MLEC: variants seen among roughly 807,000 people sequenced by gnomAD.
The protein encoded by MLEC is oligosaccharyltransferase complex subunit (non-catalytic).
A neutral mutation model predicts 28.7 loss-of-function variants in MLEC; 7 were observed. The ratio of observed to expected loss-of-function variants is 0.24; its 90% CI spans 0.14 to 0.46. MLEC has a LOEUF of 0.46. Among genes scored for constraint, MLEC ranks in the 20% least tolerant of loss-of-function variants. The pLI, the probability that MLEC is intolerant of heterozygous loss-of-function variation, is 0.99. For synonymous variants in MLEC, 142 were observed against 164.4 expected, an observed-to-expected ratio of 0.86 and a Z score of 1.04; for missense variants, 237 against 391.1, an observed-to-expected ratio of 0.61 and a Z score of 3.32.
At chr12:120,688,294 C>T (rs1456009271) in intron 1 of MLEC, among the ~76,000 whole-genome samples, 2 of 152,216 alleles carry the variant, frequency 1.3e-5, no homozygotes, top group African/African-American at 4.8e-5. Flanking sequence ...AACGGAGCTG[C>T]TCCCTTCCCA....
At position 120,687,575 on chromosome 12, in the gene MLEC, G is replaced by T; in HGVS notation, c.235+44G>T. On this transcript the variant is annotated intron_variant, in intron 1 of 4. Transcript: ENST00000228506. This position sits in a 1 kb window ranked among gnomAD's most constrained non-coding sequence, Gnocchi z 8.1. ...AGCCGCGGGATCCAGGGCCTGCTGT[G>T]CTGGGCGCAGCCGGCCGGGGGCTGC... is the stretch of plus-strand genomic sequence containing the variant. 1 of 1,412,622 alleles carries T rather than the reference G, an allele frequency of 7.1e-7. No individual in the cohort carries two copies. The highest frequency in any genetic ancestry group is 9.3e-7 in the Non-Finnish European group (1 of 1,070,554). The allele number at this position is 1,412,622 out of a possible 1,614,324, so 87.5% of individuals were successfully genotyped here. A position where few individuals can be genotyped will look rare whatever the true frequency, so the allele number is the denominator to read the frequency against.
At position 120,696,359 on chromosome 12, in the gene MLEC, A is replaced by G. The variant is rs1485198196; in HGVS notation, c.693A>G (p.Glu231=). 1.2e-6 allele frequency: 2 copies of G among 1,614,110 alleles called. No individual in the cohort carries two copies. Among genetic ancestry groups the G allele is most frequent in the African/African-American group, 1.3e-5 (1 of 74,928 alleles). ...LQPHPGLEKK[E]EEEEEEEYDE... ...CTCATCCGGGATTGGAGAAGAAAGA[A>G]GAGGAAGAAGAAGAAGAAGAATATG... Residue 231 remains glutamate (E), a synonymous_variant, in exon 5 of 5, where the codon GAA becomes GAG. Transcript: ENST00000228506. This position sits in a 1 kb window ranked among gnomAD's most constrained non-coding sequence, Gnocchi z 5.4.
chr12:120,694,247 A>G lies in MLEC; in HGVS notation c.392A>G (p.Tyr131Cys). 6.2e-7 allele frequency: 1 copy of G among 1,614,036 alleles called. No homozygotes were observed. Among genetic ancestry groups the G allele is most frequent in the Non-Finnish European group, 8.5e-7 (1 of 1,180,014 alleles). Residue 131 changes from tyrosine to cysteine, a missense_variant, in exon 2 of 5, where the codon TAC (tyrosine) becomes TGC (cysteine). Tyr to Cys is a radical substitution (Grantham distance 194). Coordinates refer to ENST00000228506, the MANE Select transcript of MLEC (RefSeq NM_014730.4). This position sits in a 1 kb window ranked among gnomAD's most constrained non-coding sequence, Gnocchi z 4.5. ...YVLVLKFAEV[Y>C]FAQSQQKVFD... ...CTGGTCTTGAAATTTGCAGAGGTCT[A>G]CTTTGCACAGTCCCAGCAAAAGGTG...
In MLEC at chr12:120,696,761, T is replaced by C; in HGVS notation, c.*216T>C. ...TGCTTCAGTCCTCGTCCTCTCTTTG[T>C]GGCTGGCTCCCAGCCTTCTCTTTCC... On this transcript the variant is annotated 3_prime_UTR_variant, in exon 5 of 5. Transcript: ENST00000228506. This position sits in a 1 kb window ranked among gnomAD's most constrained non-coding sequence, Gnocchi z 5.4. 1.6e-6 allele frequency: 1 copy of C among 642,130 alleles called. No individual in the cohort carries two copies. The highest frequency in any genetic ancestry group is 2.6e-6 in the Non-Finnish European group (1 of 383,914). 39.8% of individuals were successfully genotyped at this position (642,130 alleles called of 1,614,324 possible). A position where few individuals can be genotyped will look rare whatever the true frequency, so the allele number is the denominator to read the frequency against.
At chr12:120,693,978 T>C in intron 1 of MLEC, 113 bp from the exon 2 acceptor site, 1 of 994,646 alleles carries the variant, frequency 1.0e-6, no homozygotes, top group Non-Finnish European at 1.4e-6. Flanking sequence ...GTGGCCCCTT[T>C]TATGGAGAGG....
At chr12:120,695,550 T>C (rs1350494428) in intron 4 of MLEC, among the ~76,000 whole-genome samples, 1 of 152,262 alleles carries the variant, frequency 6.6e-6, no homozygotes, top group Non-Finnish European at 1.5e-5. Context: ...AGGCTTTTGG[T>C]ATGCTCTGAA....
At chr12:120,689,582 C>G (rs1414582467) in intron 1 of MLEC, among the ~76,000 whole-genome samples, 1 of 152,168 alleles carries the variant, frequency 6.6e-6, no homozygotes, top group Non-Finnish European at 1.5e-5. Context: ...GGCTTTAGGT[C>G]GGGCTGAGAT....
At chr12:120,692,049 A>G (rs1882056997) in intron 1 of MLEC, among the ~76,000 whole-genome samples, 1 of 152,168 alleles carries the variant, frequency 6.6e-6, no homozygotes, top group Non-Finnish European at 1.5e-5. Context: ...AATCCCAGCT[A>G]CTTGGGAGGC....
Position 120,697,853 on chromosome 12 carries a change from T to C in MLEC, c.*1308T>C. ...TTGATCTTAATAGTATGCCCCTCCT[T>C]CCCCTGTCCTTTCATTTCTCTATCC... On this transcript the variant is annotated 3_prime_UTR_variant, in exon 5 of 5. Coordinates refer to ENST00000228506, the MANE Select transcript of MLEC (RefSeq NM_014730.4). The surrounding 1 kb of genome is among the most constrained non-coding windows in gnomAD (Gnocchi z 4.8). The C allele has an allele frequency of 6.6e-6, 1 of 152,354 alleles. No individual in the cohort carries two copies. Among genetic ancestry groups the C allele is most frequent in the Non-Finnish European group, 1.5e-5 (1 of 68,058 alleles). The allele number at this position is 152,354 out of a possible 1,614,324, so 9.4% of individuals were successfully genotyped here.
intron 1 of MLEC, among the ~76,000 whole-genome samples, chr12:120,692,692 G>A (rs1047378566): frequency 6.7e-6 from 1 of 149,778 alleles, no homozygotes; most frequent in African/African-American, 2.5e-5. Flanking sequence ...TTCTCCCAAA[G>A]GATCTAGTTG....
At chr12:120,689,889 T>G (rs1439958833) in intron 1 of MLEC, among the ~76,000 whole-genome samples, 4 of 152,236 alleles carry the variant, frequency 2.6e-5, no homozygotes, top group African/African-American at 9.6e-5. Context: ...TTTGGCCTTC[T>G]TTTGAACTTG....
chr12:120,687,448 C>A lies in MLEC; in HGVS notation c.152C>A (p.Ala51Glu). Residue 51 changes from alanine (A) to glutamate (E), a missense_variant, in exon 1 of 5, where the codon GCG becomes GAG. Ala to Glu is a moderately radical substitution (Grantham distance 107). Coordinates refer to ENST00000228506, the MANE Select transcript of MLEC (RefSeq NM_014730.4). The surrounding 1 kb of genome is among the most constrained non-coding windows in gnomAD (Gnocchi z 8.1). ...GGGCTGCCCGAGAGCGTCATTTGGG[C>A]GGTCAACGCGGGTGGAGAGGCGCAT... ...GAGLPESVIW[A>E]VNAGGEAHVD... 1 of 1,408,888 alleles carries A rather than the reference C, an allele frequency of 7.1e-7. No homozygotes were observed. Among genetic ancestry groups the A allele is most frequent in the Non-Finnish European group, 9.3e-7 (1 of 1,079,146 alleles). The allele number at this position is 1,408,888 out of a possible 1,614,324, so 87.3% of individuals were successfully genotyped here. A position where few individuals can be genotyped will look rare whatever the true frequency, so the allele number is the denominator to read the frequency against.
rs575926919 is a variant in MLEC, at chr12:120,697,949, A to C, written c.*1404A>C. On this transcript the variant is annotated 3_prime_UTR_variant, in exon 5 of 5. Transcript: ENST00000228506. This position sits in a 1 kb window ranked among gnomAD's most constrained non-coding sequence, Gnocchi z 4.8. ...GTCAGCCAGAGCCTTGGCAGCTCTG[A>C]AGCTAACCTTAGCATCTAAGTGTCG... 3 of 152,296 alleles carry C rather than the reference A, an allele frequency of 2.0e-5. No individual in the cohort carries two copies. The highest frequency in any genetic ancestry group is 3.9e-4 in the East Asian group (2 of 5,190). 9.4% of individuals were successfully genotyped at this position (152,296 alleles called of 1,614,324 possible).
chr12:120,696,709 C>G lies in MLEC; in HGVS notation c.*164C>G. On this transcript the variant is annotated 3_prime_UTR_variant, in exon 5 of 5. Transcript: ENST00000228506. The surrounding 1 kb of genome is among the most constrained non-coding windows in gnomAD (Gnocchi z 5.4). Reference sequence around the variant, plus strand: ...AAGAGGCAGAGCGAGTAGAGAGCAGCCCTCATTCACCACCTGGTCCCAGAC... The same window carrying G: ...AAGAGGCAGAGCGAGTAGAGAGCAGGCCTCATTCACCACCTGGTCCCAGAC... 1 of 981,366 alleles carries G rather than the reference C, an allele frequency of 1.0e-6. No homozygotes were observed. The highest frequency in any genetic ancestry group is 1.5e-6 in the Non-Finnish European group (1 of 680,514). The allele number at this position is 981,366 out of a possible 1,614,324, so 60.8% of individuals were successfully genotyped here. A position where few individuals can be genotyped will look rare whatever the true frequency, so the allele number is the denominator to read the frequency against.
Position 120,687,555 on chromosome 12 carries a change from C to G in MLEC, c.235+24C>G. 6.7e-7 allele frequency: 1 copy of G among 1,485,954 alleles called. No homozygotes were observed. Among genetic ancestry groups the G allele is most frequent in the Non-Finnish European group, 9.0e-7 (1 of 1,116,040 alleles). The allele number at this position is 1,485,954 out of a possible 1,614,324, so 92.0% of individuals were successfully genotyped here. ...AGGTGAGAGTCCCCCTGCCGAGCCG[C>G]GGGATCCAGGGCCTGCTGTGCTGGG... On this transcript the variant is annotated intron_variant, in intron 1 of 4. Coordinates refer to ENST00000228506, the MANE Select transcript of MLEC (RefSeq NM_014730.4). This position sits in a 1 kb window ranked among gnomAD's most constrained non-coding sequence, Gnocchi z 8.1.
intron 1 of MLEC, 127 bp from the exon 2 acceptor site, chr12:120,693,964 G>C: frequency 2.6e-6 from 2 of 758,420 alleles, no homozygotes. Flanking sequence ...CAGGTGCAGA[G>C]TGGGTGGCCC....
In MLEC at chr12:120,700,536, T is replaced by G. The variant is rs551060495; in HGVS notation, c.*3991T>G. The G allele has an allele frequency of 6.6e-6, 1 of 151,980 alleles. No homozygotes were observed. The highest frequency in any genetic ancestry group is 2.4e-5 in the African/African-American group (1 of 41,420). 9.4% of individuals were successfully genotyped at this position (151,980 alleles called of 1,614,324 possible). A position where few individuals can be genotyped will look rare whatever the true frequency, so the allele number is the denominator to read the frequency against. On this transcript the variant is annotated 3_prime_UTR_variant, in exon 5 of 5. Transcript: ENST00000228506. This position sits in a 1 kb window ranked among gnomAD's most constrained non-coding sequence, Gnocchi z 4.0. The stretch of plus-strand genomic sequence containing the variant: ...AAGGAGAGACTGAGGCAAGGCAAAG[T>G]GATAGTACACGGAAGCAGAACCGGA...
chr12:120,690,627 A>G (rs1182486006), intron 1 of MLEC, among the ~76,000 whole-genome samples: 1 of 152,184 alleles, frequency 6.6e-6, no homozygotes, highest in Non-Finnish European at 1.5e-5. Flanking sequence ...AATTAAAAAT[A>G]GGGCAGAACA....
In MLEC at chr12:120,696,735, G is replaced by A. The variant is rs944798238; in HGVS notation, c.*190G>A. The A allele has an allele frequency of 1.6e-5, 12 of 768,688 alleles. No homozygotes were observed. The highest frequency in any genetic ancestry group is 2.0e-5 in the Non-Finnish European group (10 of 492,144). The allele number at this position is 768,688 out of a possible 1,614,324, so 47.6% of individuals were successfully genotyped here. On this transcript the variant is annotated 3_prime_UTR_variant, in exon 5 of 5. Transcript: ENST00000228506. This position sits in a 1 kb window ranked among gnomAD's most constrained non-coding sequence, Gnocchi z 5.4. ...CCTCATTCACCACCTGGTCCCAGACGTGCTTCAGTCCTCGTCCTCTCTTTG... is the reference window on the plus strand; with the variant it reads ...CCTCATTCACCACCTGGTCCCAGACATGCTTCAGTCCTCGTCCTCTCTTTG...
Sources: gnomAD v4.1 joint callset for allele counts (sites outside exome capture counted in the v4.1 genomes callset) on GRCh38, gnomAD v4.1.1 for gene constraint, Gnocchi (gnomAD v3.1) non-coding constraint, MANE v1.5 for transcripts, NCBI Gene and HGNC (gene_info 2026-07-23, HGNC 2026-07-21) for gene names.